Variants in UTRN observed in about 807,000 individuals in gnomAD.
UTRN encodes the protein dystrophin-related protein 1.
In UTRN, 283 loss-of-function variants were observed where a neutral mutation model predicts 463.9. The observed-to-expected ratio is 0.61, with a 90% CI of 0.55 to 0.67. The LOEUF (loss-of-function observed/expected upper bound fraction) is 0.67, where lower values mean the gene tolerates loss of function less well. UTRN is among the 30% of genes least tolerant of loss of function. The pLI is 0.00. For missense variants in UTRN, 3,922 were observed against 4,084.3 expected, an observed-to-expected ratio of 0.96 and a Z score of 1.08; for synonymous variants, 1,442 against 1,431.5, an observed-to-expected ratio of 1.01 and a Z score of -0.17.
At chr6:144,553,593 A>G (rs1799115360) in intron 48 of UTRN, among the ~76,000 whole-genome samples, 1 of 152,204 alleles carries the variant, frequency 6.6e-6, no homozygotes, top group African/African-American at 2.4e-5. Flanking sequence ...GTTCAAGATT[A>G]TGAACTAACT....
At chr6:144,459,471 T>C in intron 21 of UTRN, 117 bp downstream of exon 21, 1 of 1,165,398 alleles carries the variant, frequency 8.6e-7, no homozygotes, top group Non-Finnish European at 1.2e-6. Flanking sequence ...CCATTTTCCT[T>C]TGTGCCTGTA....
At chr6:144,461,392 C>T in intron 22 of UTRN, 50 bp downstream of exon 22, 4 of 1,384,558 alleles carry the variant, frequency 2.9e-6, no homozygotes, top group Non-Finnish European at 2.8e-6. Context: ...CTAATATCTC[C>T]TCTTACATAT....
At chr6:144,781,834 T>G in intron 60 of UTRN, 88 bp from the exon 61 acceptor site, 2 of 964,926 alleles carry the variant, frequency 2.1e-6, no homozygotes, top group Non-Finnish European at 3.1e-6. Flanking sequence ...GCTAAATACT[T>G]GAGACTAGAA....
intron 2 of UTRN, among the ~76,000 whole-genome samples, chr6:144,365,796 G>T (rs145077672): frequency 0.02 from 3,079 of 152,280 alleles, 66 homozygotes; most frequent in Non-Finnish European, 0.029. Flanking sequence ...GGAGTGCAGT[G>T]GCGTGATCTC....
chr6:144,564,612 G>A (rs143148355), intron 50 of UTRN, among the ~76,000 whole-genome samples: 9 of 152,236 alleles, frequency 5.9e-5, no homozygotes, highest in Non-Finnish European at 1.2e-4. Context: ...CAATCATGGC[G>A]GAAGGTGAAG....
intron 3 of UTRN, among the ~76,000 whole-genome samples, chr6:144,405,557 C>T (rs1783320295): frequency 1.3e-5 from 2 of 151,970 alleles, no homozygotes; most frequent in South Asian, 4.1e-4. Context: ...TCCTTTGGTA[C>T]ATTGTGGTGG....
chr6:144,722,427 G>C (rs1787298551), intron 53 of UTRN, among the ~76,000 whole-genome samples: 1 of 151,746 alleles, frequency 6.6e-6, no homozygotes, highest in Non-Finnish European at 1.5e-5. Context: ...CTCATCCTGT[G>C]TGGTAGATTT....
intron 2 of UTRN, chr6:144,397,982 G>A (rs1234666048): frequency 9.2e-6 from 2 of 217,320 alleles, no homozygotes; most frequent in African/African-American, 4.6e-5. Context: ...GGGCAGAGAG[G>A]AGTTACCAGC....
chr6:144,648,090 A>C (rs1239667732), intron 51 of UTRN, among the ~76,000 whole-genome samples: 1 of 152,230 alleles, frequency 6.6e-6, no homozygotes, highest in African/African-American at 2.4e-5. Flanking sequence ...AGAGTAGAGC[A>C]TGTATGGGTT....
chr6:144,542,943 C>A, intron 46 of UTRN, 73 bp downstream of exon 46: 4 of 1,274,650 alleles, frequency 3.1e-6, no homozygotes, highest in Non-Finnish European at 4.4e-6. Context: ...GAGCCTCATA[C>A]ATGAATTAGA....
chr6:144,836,702 C>A, intron 71 of UTRN, 161 bp downstream of exon 71: 1 of 1,108,596 alleles, frequency 9.0e-7, no homozygotes, highest in Non-Finnish European at 1.2e-6. Context: ...TACATGTAAG[C>A]ATATAAATCC....
rs143278570 is a variant in UTRN, at chr6:144,493,880, G to A, written c.4593+424G>A. 1.3e-3 allele frequency among the ~76,000 whole-genome samples: 192 copies of A among 152,292 alleles called. 1 individual carries two copies. Among genetic ancestry groups the A allele is most frequent in the African/African-American group, 4.5e-3 (188 of 41,548 alleles). On this transcript the variant is annotated intron_variant, in intron 33 of 74. Transcript: ENST00000367545. ...AAATTAGCCATGGTGGTGAGTATCT[G>A]TAGTCCTAGCTACCTGGGAGGCTGA...
intron 2 of UTRN, among the ~76,000 whole-genome samples, chr6:144,367,598 C>T (rs1484057577): frequency 2.0e-5 from 3 of 152,126 alleles, no homozygotes; most frequent in East Asian, 1.9e-4. Flanking sequence ...ACAGATGTAG[C>T]GATAGCATAG....
At chr6:144,734,477 C>G (rs1179860527) in intron 54 of UTRN, among the ~76,000 whole-genome samples, 2 of 152,188 alleles carry the variant, frequency 1.3e-5, no homozygotes, top group Non-Finnish European at 2.9e-5. Context: ...CCTGCCCCCT[C>G]CCGTCACCCT....
At chr6:144,660,212 G>T (rs1241915930) in intron 51 of UTRN, 2 of 471,112 alleles carry the variant, frequency 4.2e-6, no homozygotes, top group Admixed American at 2.3e-5. Context: ...TAGGCTTCAA[G>T]GGCTACTGGA....
chr6:144,691,304 A>G (rs1783383413), intron 52 of UTRN, among the ~76,000 whole-genome samples: 1 of 152,152 alleles, frequency 6.6e-6, no homozygotes, highest in Non-Finnish European at 1.5e-5. Context: ...TTTAGTAGAG[A>G]CAAGGTTTCG....
rs118176693 is a variant in UTRN, at chr6:144,401,928, A to T, written c.80-1195A>T. On this transcript the variant is annotated intron_variant, in intron 2 of 74. Coordinates refer to ENST00000367545, the MANE Select transcript of UTRN (RefSeq NM_007124.3). ...GTGGGAGGCAGCCCAGCAGTATAAA[A>T]GGTGGCAAAGGAGGCAGGACACACA... Among the ~76,000 whole-genome samples, 1,365 of 152,314 alleles carry T rather than the reference A, an allele frequency of 9.0e-3. 7 individuals are homozygous for T. Among genetic ancestry groups the T allele is most frequent in the Non-Finnish European group, 0.014 (948 of 68,026 alleles).
intron 60 of UTRN, among the ~76,000 whole-genome samples, chr6:144,780,218 T>C (rs889625778): frequency 6.6e-6 from 1 of 152,148 alleles, no homozygotes; most frequent in Non-Finnish European, 1.5e-5. Flanking sequence ...GAACAGTTTT[T>C]GCATCAGGCG....
intron 51 of UTRN, among the ~76,000 whole-genome samples, chr6:144,618,923 C>T (rs1356137170): frequency 6.6e-6 from 1 of 152,030 alleles, no homozygotes; most frequent in African/African-American, 2.4e-5. Flanking sequence ...CTTTTATGTT[C>T]CTCACATCAG....
Sources: gnomAD v4.1 joint callset for allele counts (sites outside exome capture counted in the v4.1 genomes callset) on GRCh38, gnomAD v4.1.1 for gene constraint, MANE v1.5 for transcripts, NCBI Gene and HGNC (gene_info 2026-07-23, HGNC 2026-07-21) for gene names.